Variants in CBLB observed in about 807,000 individuals in gnomAD.
CBLB encodes the protein E3 ubiquitin-protein ligase CBL-B.
In CBLB, 31 loss-of-function variants were observed where a neutral mutation model predicts 104.9. That is an observed-to-expected ratio of 0.30 (90% CI 0.22 to 0.40). The LOEUF is 0.40. CBLB is among the 10% of genes least tolerant of loss of function. The pLI is 1.00. For synonymous variants in CBLB, 440 were observed against 422.6 expected, an observed-to-expected ratio of 1.04 and a Z score of -0.51; for missense variants, 1,062 against 1,214.6, an observed-to-expected ratio of 0.87 and a Z score of 1.87.
chr3:105,802,478 C>T (rs2083000164), intron 3 of CBLB, among the ~76,000 whole-genome samples: 1 of 152,206 alleles, frequency 6.6e-6, no homozygotes, highest in Admixed American at 6.5e-5. Context: ...GAGAAAGTTG[C>T]ATGGGTGCCA....
intron 5 of CBLB, among the ~76,000 whole-genome samples, chr3:105,747,504 C>A (rs1034979806): frequency 1.3e-5 from 2 of 152,152 alleles, no homozygotes; most frequent in Admixed American, 1.3e-4. Flanking sequence ...CAAGAAAAAT[C>A]TTTGGGGTAT....
In CBLB at chr3:105,815,207, T is replaced by C. The variant is rs929466514; in HGVS notation, c.419+38207A>G. Among the ~76,000 whole-genome samples the C allele has an allele frequency of 3.9e-5, 6 of 152,286 alleles. No individual in the cohort carries two copies. In the East Asian group the frequency reaches 7.7e-4, roughly 20 times the overall value. On this transcript the variant is annotated intron_variant, in intron 3 of 18. Coordinates refer to ENST00000394030, the MANE Select transcript of CBLB (RefSeq NM_170662.5). ...AATTTAAGAACTCCTTCAGTGCAGA[T>C]TGAGATTTAAATCTACAAAAAATGC...
Position 105,657,219 on chromosome 3 carries a change from G to A in CBLB, c.*1751C>T, listed in dbSNP as rs557830142. 139 of 221,818 alleles carry A rather than the reference G, an allele frequency of 6.3e-4. No homozygotes were observed. Among genetic ancestry groups the A allele is most frequent in the South Asian group, 1.7e-3 (9 of 5,430 alleles). The allele number at this position is 221,818 out of a possible 1,614,324, so 13.7% of individuals were successfully genotyped here. ...GGTCAACTTAGTCTACGTGTCTTTT[G>A]TATAACATTAATTTCCACCAGATCT... On this transcript the variant is annotated 3_prime_UTR_variant, in exon 19 of 19. Transcript: ENST00000394030.
chr3:105,706,279 A>T (rs1293247007), intron 10 of CBLB, among the ~76,000 whole-genome samples: 1 of 152,258 alleles, frequency 6.6e-6, no homozygotes, highest in Non-Finnish European at 1.5e-5. Context: ...TCATTCAACA[A>T]AATTCAACAT....
chr3:105,688,072 G>T (rs1356953188), intron 13 of CBLB, among the ~76,000 whole-genome samples: 1 of 151,910 alleles, frequency 6.6e-6, no homozygotes, highest in Non-Finnish European at 1.5e-5. Flanking sequence ...GTGACATTTG[G>T]CAGTAGAAAA....
intron 10 of CBLB, among the ~76,000 whole-genome samples, chr3:105,713,285 T>C (rs56010670): frequency 2.3e-4 from 35 of 151,672 alleles, no homozygotes; most frequent in Admixed American, 3.9e-4. Flanking sequence ...ACAAGGCACA[T>C]AGATACTAAG....
intron 4 of CBLB, among the ~76,000 whole-genome samples, chr3:105,758,641 G>A (rs931545512): frequency 1.3e-5 from 2 of 152,236 alleles, no homozygotes; most frequent in African/African-American, 4.8e-5. Context: ...ATGAACAAGT[G>A]AGCATGGAGT....
At chr3:105,784,134 G>T (rs1001624162) in intron 3 of CBLB, among the ~76,000 whole-genome samples, 7 of 151,962 alleles carry the variant, frequency 4.6e-5, no homozygotes, top group Admixed American at 4.6e-4. Flanking sequence ...ATTTCAATAA[G>T]GAAAACTCTT....
At chr3:105,721,154 TAA>T (rs1315142139) in intron 9 of CBLB, among the ~76,000 whole-genome samples, 2 of 152,168 alleles carry the variant, frequency 1.3e-5, no homozygotes, top group African/African-American at 4.8e-5. Flanking sequence ...ATGTGTTATT[TAA>T]AAGTGGCAAA....
Position 105,659,032 on chromosome 3 carries a change from C to A in CBLB, c.2887G>T (p.Ala963Ser), listed in dbSNP as rs768806123. Residue 963 changes from alanine to serine, a missense_variant, in exon 19 of 19, where the codon GCC (alanine) becomes TCC (serine). Around this residue, in one of 2 missense-constraint regions of CBLB, gnomAD observed 605 missense variants for 582.6 expected, o/e 1.04. Coordinates refer to ENST00000394030, the MANE Select transcript of CBLB (RefSeq NM_170662.5). ...LEIAQNNVEV[A>S]RSILREFAFP... is the part of the protein sequence containing the mutation. ...GCAAATTCTCGGAGGATGCTCCGGG[C>A]AACTTCGACATTATTCTGGGCTATC... is the stretch of plus-strand genomic sequence containing the variant. The A allele has an allele frequency of 3.7e-6, 6 of 1,613,972 alleles. No individual in the cohort carries two copies. Among genetic ancestry groups the A allele is most frequent in the Non-Finnish European group, 5.1e-6 (6 of 1,179,884 alleles).
At chr3:105,783,987 T>C (rs976961) in intron 3 of CBLB, among the ~76,000 whole-genome samples, 150,238 of 152,318 alleles carry the variant, frequency 0.99, 74,130 homozygotes, top group East Asian at 1. Context: ...AACTTTGCAT[T>C]AATGCTAAAG....
chr3:105,708,036 C>A lies in CBLB; in HGVS notation c.1408-3863G>T, dbSNP rs370035083. On this transcript the variant is annotated intron_variant, in intron 10 of 18. Transcript: ENST00000394030. Reference sequence around the variant, plus strand: ...AGGTAATCACCAGGTAATTCAAATGCCTCTATAGCTGGGACCTGAATGTGG... The same window carrying A: ...AGGTAATCACCAGGTAATTCAAATGACTCTATAGCTGGGACCTGAATGTGG... Among the ~76,000 whole-genome samples, 8 of 151,958 alleles carry A rather than the reference C, an allele frequency of 5.3e-5. 1 individual carries two copies. The highest frequency in any genetic ancestry group is 1.3e-4 in the Admixed American group (2 of 15,240).
At chr3:105,728,317 T>A (rs927895323) in intron 9 of CBLB, among the ~76,000 whole-genome samples, 1 of 152,120 alleles carries the variant, frequency 6.6e-6, no homozygotes, top group Non-Finnish European at 1.5e-5. Context: ...TATGCACCAA[T>A]AATAGACAAA....
intron 3 of CBLB, among the ~76,000 whole-genome samples, chr3:105,842,261 T>C (rs888023603): frequency 1.1e-4 from 17 of 152,226 alleles, no homozygotes; most frequent in African/African-American, 3.9e-4. Flanking sequence ...CTGTGACTAA[T>C]AAATGGTTCA....
chr3:105,743,516 T>G (rs1046257230), intron 6 of CBLB, among the ~76,000 whole-genome samples: 8 of 151,596 alleles, frequency 5.3e-5, no homozygotes, highest in Non-Finnish European at 8.8e-5. Context: ...GAAGTATCTT[T>G]CATGTTGACG....
intron 13 of CBLB, among the ~76,000 whole-genome samples, chr3:105,690,795 C>A (rs1702823587): frequency 6.7e-6 from 1 of 148,530 alleles, no homozygotes. Context: ...GCACTCCAGC[C>A]TGGGCGACAG....
intron 2 of CBLB, among the ~76,000 whole-genome samples, chr3:105,862,423 C>CT (rs1462190483): frequency 1.3e-5 from 2 of 152,010 alleles, no homozygotes; most frequent in Non-Finnish European, 2.9e-5. Context: ...TTCACTGCAC[C>CT]TTCTCTTTCA....
intron 3 of CBLB, among the ~76,000 whole-genome samples, chr3:105,811,432 A>C (rs895976659): frequency 8.5e-5 from 13 of 152,198 alleles, no homozygotes; most frequent in African/African-American, 3.1e-4. Context: ...AAGTCACGGA[A>C]ACAAGTTTAT....
intron 18 of CBLB, among the ~76,000 whole-genome samples, chr3:105,661,083 G>A (rs542774033): frequency 2.8e-4 from 43 of 151,726 alleles, no homozygotes; most frequent in Admixed American, 7.2e-4. Context: ...AATTACAGGC[G>A]TGAGCCACCA....
Sources: gnomAD v4.1 joint callset for allele counts (sites outside exome capture counted in the v4.1 genomes callset) on GRCh38, gnomAD v4.1.1 for gene constraint, gnomAD v4.1.1 regional missense constraint, MANE v1.5 for transcripts, NCBI Gene and HGNC (gene_info 2026-07-23, HGNC 2026-07-21) for gene names.